Variants in TAB2 observed in about 807,000 individuals in gnomAD.
The protein encoded by TAB2 is TGF-beta activated kinase 1 (MAP3K7) binding protein 2.
Under a neutral mutation model 65.0 loss-of-function variants are expected in TAB2, and 3 were observed. The ratio of observed to expected loss-of-function variants is 0.05; its 90% CI spans 0.02 to 0.12. The LOEUF is 0.12. Among genes scored for constraint, TAB2 ranks in the 10% least tolerant of loss-of-function variants. TAB2 has a pLI of 1.00. For missense variants in TAB2, 623 were observed against 840.3 expected (o/e 0.74, Z 3.20); for synonymous variants, 298 against 285.1 (o/e 1.05, Z -0.46).
chr6:149,254,502 G>A (rs368810813), intron 1 of TAB2, among the ~76,000 whole-genome samples: 11 of 152,276 alleles, frequency 7.2e-5, no homozygotes, highest in African/African-American at 2.6e-4. Flanking sequence ...AACTTTAACA[G>A]GCAACTACTT....
At chr6:149,293,028 C>G (rs1003829031) in intron 1 of TAB2, among the ~76,000 whole-genome samples, 1 of 150,234 alleles carries the variant, frequency 6.7e-6, no homozygotes, top group South Asian at 2.1e-4. Flanking sequence ...TTGGGAGTTT[C>G]CCGTTGAGCT....
chr6:149,334,583 G>A lies in TAB2; in HGVS notation c.-90+16568G>A, dbSNP rs145039077. Among the ~76,000 whole-genome samples, 455 of 152,046 alleles carry A rather than the reference G, an allele frequency of 3.0e-3. 2 individuals are homozygous for A. The highest frequency in any genetic ancestry group is 4.4e-3 in the Non-Finnish European group (302 of 67,988). On this transcript the variant is annotated intron_variant, in intron 1 of 6. Transcript: ENST00000637181. ...TCCTGCCTACTCAAGAGGCTGAGTTGAGAGGATCACTTGAGCCCAGGAGTT... is the reference window on the plus strand; with the variant it reads ...TCCTGCCTACTCAAGAGGCTGAGTTAAGAGGATCACTTGAGCCCAGGAGTT...
chr6:149,297,371 A>G (rs1778893880), intron 1 of TAB2, among the ~76,000 whole-genome samples: 1 of 152,236 alleles, frequency 6.6e-6, no homozygotes, highest in South Asian at 2.1e-4. Context: ...TTAAAAATGA[A>G]TGATTAGACA....
intron 1 of TAB2, among the ~76,000 whole-genome samples, chr6:149,352,195 A>G (rs948489627): frequency 6.6e-6 from 1 of 152,178 alleles, no homozygotes; most frequent in South Asian, 2.1e-4. Context: ...TTTACTTTGT[A>G]TGGCACCTTC....
intron 1 of TAB2, among the ~76,000 whole-genome samples, chr6:149,358,538 C>G (rs1293828597): frequency 6.6e-6 from 1 of 151,870 alleles, no homozygotes; most frequent in Non-Finnish European, 1.5e-5. Flanking sequence ...TGGCTCTTTT[C>G]TCTCTGATTG....
intron 1 of TAB2, among the ~76,000 whole-genome samples, chr6:149,300,745 G>A (rs931661533): frequency 1.3e-5 from 2 of 152,204 alleles, no homozygotes; most frequent in African/African-American, 4.8e-5. Flanking sequence ...ATCCTAAGGA[G>A]GCAATGGCAG....
intron 1 of TAB2, among the ~76,000 whole-genome samples, chr6:149,275,249 A>AAAGAAAG (rs1217941370): frequency 7.9e-6 from 1 of 126,342 alleles, no homozygotes; most frequent in Non-Finnish European, 1.6e-5. Flanking sequence ...AGAAAGAAAG[A>AAAGAAAG]AAGAAAGAAA....
At chr6:149,230,485 G>A (rs1164463241) in intron 1 of TAB2, among the ~76,000 whole-genome samples, 1 of 152,130 alleles carries the variant, frequency 6.6e-6, no homozygotes, top group African/African-American at 2.4e-5. Flanking sequence ...AACCTTAAAA[G>A]GCCAATAAAC....
chr6:149,252,129 G>A (rs545111491), intron 1 of TAB2, among the ~76,000 whole-genome samples: 4 of 152,240 alleles, frequency 2.6e-5, no homozygotes, highest in South Asian at 2.1e-4. Context: ...AGGGCAGGCC[G>A]GGTGCAGTGG....
intron 1 of TAB2, chr6:149,243,330 T>C (rs1777637913): frequency 2.0e-5 from 3 of 152,230 alleles, no homozygotes; most frequent in African/African-American, 7.2e-5. Context: ...CATAAAAATA[T>C]TTGTATAATC....
At chr6:149,390,133 C>G (rs893574856) in intron 3 of TAB2, among the ~76,000 whole-genome samples, 1 of 152,104 alleles carries the variant, frequency 6.6e-6, no homozygotes, top group Non-Finnish European at 1.5e-5. Flanking sequence ...TATGGTAATA[C>G]AGTGATATAT....
At chr6:149,396,178 C>T (rs746473176) in intron 3 of TAB2, among the ~76,000 whole-genome samples, 8 of 152,186 alleles carry the variant, frequency 5.3e-5, no homozygotes, top group African/African-American at 9.6e-5. Flanking sequence ...CCACCACGCC[C>T]GGCAACTTTT....
At chr6:149,238,261 C>A (rs939415157) in intron 1 of TAB2, among the ~76,000 whole-genome samples, 2 of 152,174 alleles carry the variant, frequency 1.3e-5, no homozygotes, top group African/African-American at 2.4e-5. Flanking sequence ...ATTTCCAAGA[C>A]CCCCTGGCAT....
At chr6:149,317,451 G>A (rs2114718691), upstream of TAB2, 2 of 174,780 alleles carry the variant, frequency 1.1e-5, no homozygotes, top group South Asian at 1.2e-4. This position sits in a 1 kb window ranked among gnomAD's most constrained non-coding sequence, Gnocchi z 4.7. Flanking sequence ...CTGCTCCCCC[G>A]CCGTTCGGCT....
At chr6:149,264,904 GA>G (rs375413433) in intron 1 of TAB2, among the ~76,000 whole-genome samples, 4 of 152,358 alleles carry the variant, frequency 2.6e-5, no homozygotes, top group African/African-American at 9.6e-5. Flanking sequence ...GCCACTGCAG[GA>G]AAGACACCGT....
intron 1 of TAB2, among the ~76,000 whole-genome samples, chr6:149,301,337 CCAGTTAAG>C (rs1408793059): frequency 1.3e-5 from 2 of 152,172 alleles, no homozygotes; most frequent in Non-Finnish European, 2.9e-5. Context: ...GGAAAGCCTG[CCAGTTAAG>C]CAGTGGGTGC....
chr6:149,379,603 C>T (rs2114889803), intron 3 of TAB2, 85 bp downstream of exon 3: 1 of 1,304,956 alleles, frequency 7.7e-7, no homozygotes, highest in East Asian at 2.3e-5. Flanking sequence ...TGGATGTTAG[C>T]ATTGTTATTT....
chr6:149,339,629 G>C (rs1780052567), intron 1 of TAB2, among the ~76,000 whole-genome samples: 1 of 136,364 alleles, frequency 7.3e-6, no homozygotes, highest in Admixed American at 8.0e-5. Context: ...TTGAGACGGA[G>C]TCTCTGTTGC....
intron 1 of TAB2, among the ~76,000 whole-genome samples, chr6:149,220,287 T>G (rs1252946393): frequency 4.6e-5 from 7 of 152,242 alleles, no homozygotes; most frequent in Non-Finnish European, 8.8e-5. Flanking sequence ...TTAATGCCAT[T>G]CAAAAACTCA....
Sources: allele counts gnomAD v4.1 joint callset (sites outside exome capture counted in the v4.1 genomes callset), GRCh38; gene constraint gnomAD v4.1.1; non-coding constraint Gnocchi (gnomAD v3.1); transcripts MANE v1.5; gene names NCBI Gene and HGNC (gene_info 2026-07-23, HGNC 2026-07-21).